The following BSPH1 variants were observed in gnomAD, a reference collection of about 807,000 sequenced individuals.
The protein encoded by BSPH1 is binder of sperm protein homolog 1.
A neutral mutation model predicts 22.5 loss-of-function variants in BSPH1; 21 were observed. That is an observed-to-expected ratio of 0.93 (90% CI 0.66 to 1.35). The LOEUF (loss-of-function observed/expected upper bound fraction) is 1.35. Ranked by LOEUF, BSPH1 falls within the 40% of genes most tolerant of loss-of-function variation. The probability of loss-of-function intolerance (pLI) is 0.00; values close to 1 mark genes in which losing one functional copy is unlikely to be tolerated. For synonymous variants in BSPH1, 42 were observed against 53.6 expected, an observed-to-expected ratio of 0.78 and a Z score of 0.95; for missense variants, 141 against 154.2, an observed-to-expected ratio of 0.91 and a Z score of 0.45.
At chr19:47,991,960 A>G (rs1311257436) in intron 1 of BSPH1, 49 bp downstream of exon 1, 14 of 1,277,718 alleles carry the variant, frequency 1.1e-5, no homozygotes, top group Non-Finnish European at 1.3e-5. Flanking sequence ...CTCTGCTCCA[A>G]AGTTAAGCTA....
chr19:47,976,606 A>AAAACC, intron 5 of BSPH1, 104 bp downstream of exon 5: 5 of 752,150 alleles, frequency 6.6e-6, no homozygotes, highest in South Asian at 2.2e-5. Flanking sequence ...ACAAAAAAAA[A>AAAACC]CCCTCTCTAA....
intron 1 of BSPH1, among the ~76,000 whole-genome samples, chr19:47,981,353 A>T (rs964261608): frequency 5.3e-5 from 8 of 152,210 alleles, no homozygotes; most frequent in African/African-American, 1.9e-4. Context: ...GCCACTTTCA[A>T]AATGGAAACC....
chr19:47,979,563 G>T lies in BSPH1; in HGVS notation c.124+7C>A. The T allele has an allele frequency of 2.3e-6, 3 of 1,306,888 alleles. No individual in the cohort carries two copies. In the South Asian group the frequency reaches 4.6e-5, roughly 20 times the overall value. The allele number at this position is 1,306,888 out of a possible 1,614,324, so 81.0% of individuals were successfully genotyped here. The stretch of plus-strand genomic sequence containing the variant: ...CATTAATAATCAAAGTTTTCTGATC[G>T]ACTTACCTGTAACTTCTGGAAAATG... On this transcript the variant is annotated splice_region_variant and intron_variant, in intron 3 of 5. Transcript: ENST00000344839.
In BSPH1 at chr19:47,991,759, TCTTC is replaced by T. The variant is rs780473263; in HGVS notation, c.73+246_73+249del. On this transcript the variant is annotated intron_variant, in intron 1 of 5. Transcript: ENST00000344839. ...ATTCCCCTCCTTCTCTCCCTCCTCC[TCTTC>T]CTTCTTCACCTCCTCCCCCCTTCTC... Among the ~76,000 whole-genome samples the T allele has an allele frequency of 2.3e-4, 20 of 87,544 alleles. 1 individual carries two copies. The highest frequency in any genetic ancestry group is 5.1e-4 in the Admixed American group (4 of 7,802). The allele number at this position is 87,544 out of a possible 152,430, so 57.4% of individuals were successfully genotyped here.
chr19:47,975,649 ATTTTTTTTTTTT>A (rs199878812), intron 5 of BSPH1, among the ~76,000 whole-genome samples: 5 of 124,922 alleles, frequency 4.0e-5, no homozygotes, highest in Non-Finnish European at 5.1e-5. Context: ...AAGGTAATGC[ATTTTTTTTTTTT>A]TTTTTTTTTT....
At chr19:47,976,102 G>C (rs1243779320) in intron 5 of BSPH1, among the ~76,000 whole-genome samples, 6 of 152,144 alleles carry the variant, frequency 3.9e-5, no homozygotes, top group Admixed American at 3.3e-4. Context: ...TGCAATTGAT[G>C]AATCTACATT....
intron 5 of BSPH1, among the ~76,000 whole-genome samples, chr19:47,972,781 A>T (rs959063269): frequency 3.3e-5 from 5 of 152,044 alleles, no homozygotes; most frequent in Non-Finnish European, 5.9e-5. Flanking sequence ...TGTAATTTTT[A>T]AAAAATTAAA....
chr19:47,979,431 G>C, intron 3 of BSPH1, 139 bp downstream of exon 3: 1 of 518,746 alleles, frequency 1.9e-6, no homozygotes, highest in Non-Finnish European at 3.4e-6. Context: ...TTCTTTATCT[G>C]TTTATGAGGC....
intron 5 of BSPH1, among the ~76,000 whole-genome samples, chr19:47,974,269 C>CTT (rs558434334): frequency 9.1e-4 from 69 of 75,970 alleles, no homozygotes; most frequent in Middle Eastern, 0.016. Context: ...CTCTCTCTCT[C>CTT]TTTTTTTTTT....
At chr19:47,971,094 T>C (rs980771471) in intron 5 of BSPH1, among the ~76,000 whole-genome samples, 5 of 152,172 alleles carry the variant, frequency 3.3e-5, no homozygotes, top group Admixed American at 2.0e-4. Context: ...ACCACAGCCA[T>C]GGTGTTGGGA....
intron 1 of BSPH1, among the ~76,000 whole-genome samples, chr19:47,983,526 C>A (rs138446092): frequency 1.5e-4 from 23 of 152,256 alleles, no homozygotes; most frequent in African/African-American, 5.5e-4. Flanking sequence ...AGGTAAGCAT[C>A]AGAATGCAAC....
chr19:47,970,500 G>A (rs1178435040), intron 5 of BSPH1, among the ~76,000 whole-genome samples: 1 of 152,176 alleles, frequency 6.6e-6, no homozygotes, highest in Non-Finnish European at 1.5e-5. Flanking sequence ...TAGTTCAGAA[G>A]TCTCCAAATA....
intron 5 of BSPH1, among the ~76,000 whole-genome samples, chr19:47,969,684 GGA>G (rs10589898): frequency 0.04 from 4,577 of 113,752 alleles, 74 homozygotes; most frequent in Middle Eastern, 0.05. Context: ...AGGGAGAGGG[GGA>G]GAGAGAGAGA....
chr19:47,967,402 G>T (rs1382273200), downstream of BSPH1, among the ~76,000 whole-genome samples: 1 of 152,098 alleles, frequency 6.6e-6, no homozygotes, highest in Non-Finnish European at 1.5e-5. Context: ...GTTTGCTGGG[G>T]CTGCCATAAA....
intron 5 of BSPH1, among the ~76,000 whole-genome samples, chr19:47,970,019 G>C (rs1209418956): frequency 6.6e-6 from 1 of 151,548 alleles, no homozygotes; most frequent in Non-Finnish European, 1.5e-5. Context: ...GTGTGTGTGA[G>C]AGAGAGAGAG....
chr19:47,983,756 T>C (rs2122257495), intron 1 of BSPH1, among the ~76,000 whole-genome samples: 1 of 152,218 alleles, frequency 6.6e-6, no homozygotes, highest in South Asian at 2.1e-4. Flanking sequence ...TTGTGAAAGA[T>C]GCAAGAATGT....
intron 3 of BSPH1, 75 bp from the exon 4 acceptor site, chr19:47,977,579 C>A: frequency 1.3e-6 from 2 of 1,512,558 alleles, no homozygotes; most frequent in Admixed American, 2.2e-5. Context: ...TCTTCCTAGG[C>A]GCTGTTGCCC....
At chr19:47,973,103 G>A (rs1969325873) in intron 5 of BSPH1, among the ~76,000 whole-genome samples, 1 of 151,590 alleles carries the variant, frequency 6.6e-6, no homozygotes, top group Admixed American at 6.6e-5. Context: ...TGTAGTCCCA[G>A]CTTCTCGGGA....
At chr19:47,983,331 A>C (rs982797541) in intron 1 of BSPH1, among the ~76,000 whole-genome samples, 31 of 152,192 alleles carry the variant, frequency 2.0e-4, no homozygotes, top group Non-Finnish European at 7.3e-5. Flanking sequence ...TATGGGGATT[A>C]TAATTGTTTC....
Sources: gnomAD v4.1 joint callset for allele counts (sites outside exome capture counted in the v4.1 genomes callset) on GRCh38, gnomAD v4.1.1 for gene constraint, MANE v1.5 for transcripts, NCBI Gene and HGNC (gene_info 2026-07-23, HGNC 2026-07-21) for gene names.